Variants in RIPOR3 observed in about 807,000 individuals in gnomAD.
RIPOR3 encodes the protein family with sequence similarity 65 member C.
A neutral mutation model predicts 114.3 loss-of-function variants in RIPOR3; 95 were observed. The ratio of observed to expected loss-of-function variants is 0.83; its 90% CI spans 0.70 to 0.99. RIPOR3 has a LOEUF of 0.99. RIPOR3 is among the 50% of genes least tolerant of loss of function. RIPOR3 has a pLI of 0.00. For missense variants in RIPOR3, 1,252 were observed against 1,266.9 expected, an observed-to-expected ratio of 0.99 and a Z score of 0.18; for synonymous variants, 575 against 543.8, an observed-to-expected ratio of 1.06 and a Z score of -0.80.
chr20:50,625,946 C>G (rs924663301), intron 2 of RIPOR3, among the ~76,000 whole-genome samples: 1 of 152,210 alleles, frequency 6.6e-6, no homozygotes. Context: ...AGTAAAAATC[C>G]CTGTCTATAG....
intron 1 of RIPOR3, among the ~76,000 whole-genome samples, chr20:50,656,159 C>A (rs1188446616): frequency 6.6e-6 from 1 of 152,080 alleles, no homozygotes; most frequent in Non-Finnish European, 1.5e-5. Context: ...AGGCCCGCAT[C>A]ACCATGCCCG....
rs1217166638 is a variant in RIPOR3, at chr20:50,630,859, G to T, written c.4-3C>A. On this transcript the variant is annotated splice_region_variant and splice_polypyrimidine_tract_variant and intron_variant, in intron 1 of 21. Transcript: ENST00000327979. ...AACCTCACCGACATGGTGGTCACCT[G>T]CAAGGAGAGGACAGGAGAGTCAGCC... 1.3e-6 allele frequency: 2 copies of T among 1,591,516 alleles called. No individual in the cohort carries two copies. The highest frequency in any genetic ancestry group is 8.6e-7 in the Non-Finnish European group (1 of 1,169,134).
In RIPOR3 at chr20:50,687,271, A is replaced by T. The variant is rs1000546925; in HGVS notation, c.3+3855T>A. 2.6e-5 allele frequency among the ~76,000 whole-genome samples: 4 copies of T among 152,208 alleles called. No homozygotes were observed. In the South Asian group the frequency reaches 6.2e-4, roughly 24 times the overall value. On this transcript the variant is annotated intron_variant, in intron 1 of 21. Transcript: ENST00000327979. Reference sequence around the variant, plus strand: ...CCCACATGCCGCTAGTGTAGACAGGATCTCTACTCCACCCGATCTCTCTGC... The same window carrying T: ...CCCACATGCCGCTAGTGTAGACAGGTTCTCTACTCCACCCGATCTCTCTGC...
chr20:50,589,866 C>T, intron 19 of RIPOR3, 97 bp from the exon 20 acceptor site: 1 of 1,007,190 alleles, frequency 9.9e-7, no homozygotes, highest in Non-Finnish European at 1.5e-6. Flanking sequence ...GTAAGGCACG[C>T]TGTGCCCATC....
Position 50,595,424 on chromosome 20 carries a change from C to T in RIPOR3, c.1995G>A (p.Glu665=), listed in dbSNP as rs759986032. 1.2e-6 allele frequency: 2 copies of T among 1,614,202 alleles called. No homozygotes were observed. Among genetic ancestry groups the T allele is most frequent in the Non-Finnish European group, 1.7e-6 (2 of 1,180,030 alleles). The change falls in exon 16 of 22, where the codon GAG becomes GAA. Residue 665 remains glutamate (E), a synonymous_variant. Transcript: ENST00000327979. ...TCTCAAAGTCAAGGACAGAAAGTGT[C>T]TCCAGAACGTGCTTTTGCTGTGCCA... ...EEVAQQKHVL[E]TLSVLDFEKV... is the part of the protein sequence containing the mutation.
intron 20 of RIPOR3, among the ~76,000 whole-genome samples, chr20:50,589,173 T>C (rs895280013): frequency 1.6e-4 from 25 of 151,522 alleles, no homozygotes; most frequent in African/African-American, 6.1e-4. Flanking sequence ...TTTTAAACTA[T>C]GTTTGGATCA....
chr20:50,587,069 C>T lies in RIPOR3; in HGVS notation c.*163G>A, dbSNP rs906993778. 2 of 620,476 alleles carry T rather than the reference C, an allele frequency of 3.2e-6. No homozygotes were observed. Among genetic ancestry groups the T allele is most frequent in the Non-Finnish European group, 5.7e-6 (2 of 348,642 alleles). 38.4% of individuals were successfully genotyped at this position (620,476 alleles called of 1,614,324 possible). On this transcript the variant is annotated 3_prime_UTR_variant, in exon 22 of 22. Coordinates refer to ENST00000327979, the MANE Select transcript of RIPOR3 (RefSeq NM_001290268.2). ...TCTGCCTCTGTACAAAAGACCAGCCCATGCCCTGGGGCTGGGTCAATGGCC... is the reference window on the plus strand; with the variant it reads ...TCTGCCTCTGTACAAAAGACCAGCCTATGCCCTGGGGCTGGGTCAATGGCC...
At chr20:50,655,321 G>A (rs1314977245) in intron 1 of RIPOR3, among the ~76,000 whole-genome samples, 3 of 152,186 alleles carry the variant, frequency 2.0e-5, no homozygotes, top group Admixed American at 1.3e-4. Flanking sequence ...GAGCTGAGAC[G>A]GGGTGGGAAT....
intron 1 of RIPOR3, among the ~76,000 whole-genome samples, chr20:50,631,183 C>T (rs1003789061): frequency 1.2e-4 from 18 of 152,190 alleles, no homozygotes; most frequent in African/African-American, 4.3e-4. Context: ...CGAGCTTCTC[C>T]TCTCCCCTCC....
At chr20:50,679,135 A>AAAATATATATAT (rs2086773516) in intron 1 of RIPOR3, among the ~76,000 whole-genome samples, 2 of 20,774 alleles carry the variant, frequency 9.6e-5, no homozygotes, top group African/African-American at 1.3e-4. Flanking sequence ...AAAAAAAAAA[A>AAAATATATATAT]ATATATATAT....
intron 1 of RIPOR3, among the ~76,000 whole-genome samples, chr20:50,666,063 G>T (rs1389882280): frequency 6.6e-6 from 1 of 150,986 alleles, no homozygotes; most frequent in Admixed American, 6.6e-5. Flanking sequence ...TTCCATTCAG[G>T]CCCCAGAATG....
Position 50,586,904 on chromosome 20 carries a change from C to T in RIPOR3, c.*328G>A, listed in dbSNP as rs1433189424. 1 of 267,532 alleles carries T rather than the reference C, an allele frequency of 3.7e-6. No homozygotes were observed. Among genetic ancestry groups the T allele is most frequent in the Non-Finnish European group, 7.2e-6 (1 of 139,218 alleles). The allele number at this position is 267,532 out of a possible 1,614,324, so 16.6% of individuals were successfully genotyped here. On this transcript the variant is annotated 3_prime_UTR_variant, in exon 22 of 22. Coordinates refer to ENST00000327979, the MANE Select transcript of RIPOR3 (RefSeq NM_001290268.2). ...TTATTTAGGGCCTCAACTTGCCTGGCCTTGGCCCTTTTGTAGGTGGCCACC... is the reference window on the plus strand; with the variant it reads ...TTATTTAGGGCCTCAACTTGCCTGGTCTTGGCCCTTTTGTAGGTGGCCACC...
chr20:50,644,105 A>G (rs2085304338), intron 1 of RIPOR3, among the ~76,000 whole-genome samples: 1 of 152,070 alleles, frequency 6.6e-6, no homozygotes, highest in East Asian at 1.9e-4. Context: ...GGGCAACAGA[A>G]TGAGACCACA....
Position 50,678,868 on chromosome 20 carries a change from C to T in RIPOR3, c.3+12258G>A, listed in dbSNP as rs879685434. Among the ~76,000 whole-genome samples, 7 of 151,716 alleles carry T rather than the reference C, an allele frequency of 4.6e-5. No homozygotes were observed. In the East Asian group the frequency reaches 1.4e-3, roughly 29 times the overall value. On this transcript the variant is annotated intron_variant, in intron 1 of 21. Coordinates refer to ENST00000327979, the MANE Select transcript of RIPOR3 (RefSeq NM_001290268.2). ...CCTGTAATCCCAGCACTTTGGGAGG[C>T]CCAGGTGGGAGGATCACTTGAGTTC...
Position 50,630,740 on chromosome 20 carries a change from G to A in RIPOR3, c.120C>T (p.Ile40=), listed in dbSNP as rs1344070760. The A allele has an allele frequency of 1.2e-5, 19 of 1,605,492 alleles. No homozygotes were observed. The highest frequency in any genetic ancestry group is 1.3e-5 in the African/African-American group (1 of 74,684). ...AGFSSAQSRR[I]AKSINRNSVR... ...AACAGGACACGGGGGGAACTTACGC[G>A]ATCCTCCGGCTCTGTGCACTGCTGA... The change falls in exon 2 of 22, where the codon ATC becomes ATT. Residue 40 remains isoleucine, a splice_region_variant and synonymous_variant. Coordinates refer to ENST00000327979, the MANE Select transcript of RIPOR3 (RefSeq NM_001290268.2).
intron 1 of RIPOR3, among the ~76,000 whole-genome samples, chr20:50,647,478 C>CTTTTTTTT (rs942940961): frequency 2.0e-5 from 2 of 100,352 alleles, no homozygotes; most frequent in Non-Finnish European, 4.0e-5. Context: ...GCCTCATTCT[C>CTTTTTTTT]TTTTTTTTTT....
intron 3 of RIPOR3, among the ~76,000 whole-genome samples, chr20:50,617,990 G>A (rs2084241827): frequency 1.3e-5 from 2 of 152,080 alleles, no homozygotes; most frequent in Admixed American, 1.3e-4. Flanking sequence ...TAGGGGCTGG[G>A]CGTGGTGGCT....
chr20:50,606,024 C>T (rs2083700482), intron 11 of RIPOR3, among the ~76,000 whole-genome samples: 1 of 152,182 alleles, frequency 6.6e-6, no homozygotes, highest in South Asian at 2.1e-4. Flanking sequence ...GCCAACATGG[C>T]GAAACCCCAT....
intron 3 of RIPOR3, among the ~76,000 whole-genome samples, chr20:50,618,440 C>G (rs895238393): frequency 3.9e-5 from 6 of 152,160 alleles, no homozygotes; most frequent in Admixed American, 3.3e-4. Context: ...TCCTTTGGCT[C>G]TAGCCACGCT....
Sources: allele counts gnomAD v4.1 joint callset (sites outside exome capture counted in the v4.1 genomes callset), GRCh38; gene constraint gnomAD v4.1.1; transcripts MANE v1.5; gene names NCBI Gene and HGNC (gene_info 2026-07-23, HGNC 2026-07-21).